Variants in ASPDH observed in about 807,000 individuals in gnomAD.
The protein encoded by ASPDH is aspartate dehydrogenase domain containing.
In ASPDH, 25 loss-of-function variants were observed where a neutral mutation model predicts 30.5. That is an observed-to-expected ratio of 0.82 (90% CI 0.60 to 1.14). The LOEUF is 1.14. ASPDH is among the 50% of genes most tolerant of loss of function. The pLI, the probability that ASPDH is intolerant of heterozygous loss-of-function variation, is 0.00. For synonymous variants in ASPDH, 168 were observed against 156.3 expected (o/e 1.07, Z -0.56); for missense variants, 401 against 381.5 (o/e 1.05, Z -0.43).
Position 50,511,672 on chromosome 19 carries a change from G to A in ASPDH, c.*58C>T. On this transcript the variant is annotated 3_prime_UTR_variant, in exon 7 of 7. Transcript: ENST00000389208. Reference sequence around the variant, plus strand: ...TGGGGAAGTGGGGCAGGGCAGGGGTGGGATGGTGGTGGTGAGAGGCCAGGC... The same window carrying A: ...TGGGGAAGTGGGGCAGGGCAGGGGTAGGATGGTGGTGGTGAGAGGCCAGGC... 1 of 1,118,732 alleles carries A rather than the reference G, an allele frequency of 8.9e-7. No individual in the cohort carries two copies. The highest frequency in any genetic ancestry group is 1.2e-6 in the Non-Finnish European group (1 of 853,436). The allele number at this position is 1,118,732 out of a possible 1,614,324, so 69.3% of individuals were successfully genotyped here.
At position 50,513,222 on chromosome 19, in the gene ASPDH, C is replaced by T. The variant is rs1055066303; in HGVS notation, c.197+50G>A. 1.4e-6 allele frequency: 2 copies of T among 1,431,450 alleles called. No individual in the cohort carries two copies. The highest frequency in any genetic ancestry group is 2.9e-5 in the African/African-American group (2 of 69,014). The allele number at this position is 1,431,450 out of a possible 1,614,324, so 88.7% of individuals were successfully genotyped here. ...GAGATCACACAGTGGCTAAGAGAGCCAGGACAGGAGCTTCAGGGAGCTCCA... is the reference window on the plus strand; with the variant it reads ...GAGATCACACAGTGGCTAAGAGAGCTAGGACAGGAGCTTCAGGGAGCTCCA... On this transcript the variant is annotated intron_variant, in intron 2 of 6. Coordinates refer to ENST00000389208, the MANE Select transcript of ASPDH (RefSeq NM_001114598.2). The surrounding 1 kb of genome is among the most constrained non-coding windows in gnomAD (Gnocchi z 4.9).
At position 50,512,339 on chromosome 19, in the gene ASPDH, AC is replaced by A; in HGVS notation, c.653+20del. On this transcript the variant is annotated intron_variant, in intron 5 of 6. Transcript: ENST00000389208. ...CTGGAGAGCCTGGACTCAGCCCAAC[AC>A]CCTGCTTAGCTCTGCTCACCTGGTA... is the stretch of plus-strand genomic sequence containing the variant. 6.2e-7 allele frequency: 1 copy of A among 1,613,722 alleles called. No homozygotes were observed. Among genetic ancestry groups the A allele is most frequent in the Non-Finnish European group, 8.5e-7 (1 of 1,179,884 alleles).
At chr19:50,514,681 C>CTGCG, upstream of ASPDH, 1 of 1,522,040 alleles carries the variant, frequency 6.6e-7, no homozygotes, top group Non-Finnish European at 8.8e-7. Context: ...ATGGCGCAGG[C>CTGCG]TGCGGCAGCG....
chr19:50,512,363 G>T lies in ASPDH; in HGVS notation c.650C>A (p.Thr217Asn), dbSNP rs754707386. Residue 217 changes from threonine (T) to asparagine (N), a missense_variant, in exon 5 of 7, where the codon ACC becomes AAC. By Grantham distance (65) the Thr-to-Asn change is moderately conservative (BLOSUM62 0). Transcript: ENST00000389208. ...CACCCTGCTTAGCTCTGCTCACCTG[G>T]TATCAGCCACGAGCACCCCAATCAC... is the stretch of plus-strand genomic sequence containing the variant. ...DGVIGVLVAD[T>N]SLTDMHVVDV... 2 of 1,613,800 alleles carry T rather than the reference G, an allele frequency of 1.2e-6. No individual in the cohort carries two copies. Among genetic ancestry groups the T allele is most frequent in the African/African-American group, 1.3e-5 (1 of 74,944 alleles).
Position 50,513,144 on chromosome 19 carries a change from G to T in ASPDH, c.197+128C>A, listed in dbSNP as rs968388360. 6.1e-5 allele frequency: 76 copies of T among 1,248,780 alleles called. No individual in the cohort carries two copies. Among genetic ancestry groups the T allele is most frequent in the Non-Finnish European group, 8.3e-5 (75 of 907,736 alleles). 77.4% of individuals were successfully genotyped at this position (1,248,780 alleles called of 1,614,324 possible). ...GAGGCGAAATGAGATGAATGGGTTC[G>T]TCCTGTTTCACATTTGCTTGAACCA... On this transcript the variant is annotated intron_variant, in intron 2 of 6. Coordinates refer to ENST00000389208, the MANE Select transcript of ASPDH (RefSeq NM_001114598.2). This position sits in a 1 kb window ranked among gnomAD's most constrained non-coding sequence, Gnocchi z 4.9.
chr19:50,511,825 G>A (rs535764210), intron 6 of ASPDH, 52 bp from the exon 7 acceptor site: 44 of 1,240,490 alleles, frequency 3.5e-5, no homozygotes, highest in Non-Finnish European at 3.8e-5. Context: ...TGAGGAGACA[G>A]ACGCCTGGGG....
In ASPDH at chr19:50,511,752, C is replaced by G. The variant is rs150431672; in HGVS notation, c.830G>C (p.Arg277Thr). 5 of 1,313,366 alleles carry G rather than the reference C, an allele frequency of 3.8e-6. No individual in the cohort carries two copies. Among genetic ancestry groups the G allele is most frequent in the South Asian group, 5.1e-5 (2 of 38,892 alleles). The allele number at this position is 1,313,366 out of a possible 1,614,324, so 81.4% of individuals were successfully genotyped here. The change falls in exon 7 of 7, where the codon AGG becomes ACG. Residue 277 changes from arginine (R) to threonine (T), a missense_variant. Transcript: ENST00000389208. Reference protein sequence around the residue: ...SLLACCQLPSRPGIHLC With the variant: ...SLLACCQLPSTPGIHLC ...TTCTCAGCAGAGATGGATCCCCGGCCTGGAGGGGAGCTGGCAGCAGGCTGC... is the reference window on the plus strand; with the variant it reads ...TTCTCAGCAGAGATGGATCCCCGGCGTGGAGGGGAGCTGGCAGCAGGCTGC...
At chr19:50,512,035 A>G (rs1979934664) in intron 6 of ASPDH, 101 bp downstream of exon 6, 1 of 1,085,814 alleles carries the variant, frequency 9.2e-7, no homozygotes, top group Non-Finnish European at 1.3e-6. Context: ...AGAAAGGTCA[A>G]CAAATACAGA....
rs1980090212 is a variant in ASPDH at position 50,513,528 on chromosome 19, A to C, written c.53-112T>G. ...AGAGAGAGGAGGTGGGGACAGACTCAGATTGCGGGGTAGGGAGACAGAGAT... is the reference window on the plus strand; with the variant it reads ...AGAGAGAGGAGGTGGGGACAGACTCCGATTGCGGGGTAGGGAGACAGAGAT... On this transcript the variant is annotated intron_variant, in intron 1 of 6. Coordinates refer to ENST00000389208, the MANE Select transcript of ASPDH (RefSeq NM_001114598.2). This position sits in a 1 kb window ranked among gnomAD's most constrained non-coding sequence, Gnocchi z 4.9. 6 of 1,161,824 alleles carry C rather than the reference A, an allele frequency of 5.2e-6. No homozygotes were observed. In the South Asian group the frequency reaches 1.0e-4, roughly 19 times the overall value. The allele number at this position is 1,161,824 out of a possible 1,614,324, so 72.0% of individuals were successfully genotyped here.
chr19:50,514,817 G>GGCGCTGGGGGGGGGGGGGGGGGC, upstream of ASPDH: 1 of 466,790 alleles, frequency 2.1e-6, no homozygotes, highest in Non-Finnish European at 3.3e-6. Context: ...GGGGGGGCGG[G>GGCGCTGGGGGGGGGGGGGGGGGC]CACTGGGTGG....
In ASPDH at chr19:50,513,434, A is replaced by G; in HGVS notation, c.53-18T>C. 1.4e-6 allele frequency: 2 copies of G among 1,464,760 alleles called. No homozygotes were observed. Among genetic ancestry groups the G allele is most frequent in the Non-Finnish European group, 9.0e-7 (1 of 1,106,138 alleles). The allele number at this position is 1,464,760 out of a possible 1,614,324, so 90.7% of individuals were successfully genotyped here. On this transcript the variant is annotated intron_variant, in intron 1 of 6. Coordinates refer to ENST00000389208, the MANE Select transcript of ASPDH (RefSeq NM_001114598.2). The surrounding 1 kb of genome is among the most constrained non-coding windows in gnomAD (Gnocchi z 4.9). ...GGACTGTCCTGGGGAGAGGGAAAGGAGAGGGCTAGAGATCCAGAGAGAGGG... is the reference window on the plus strand; with the variant it reads ...GGACTGTCCTGGGGAGAGGGAAAGGGGAGGGCTAGAGATCCAGAGAGAGGG...
chr19:50,513,948 C>G (rs1472106973), upstream of ASPDH: 3 of 1,252,696 alleles, frequency 2.4e-6, no homozygotes, highest in Non-Finnish European at 3.2e-6. The surrounding 1 kb of genome is among the most constrained non-coding windows in gnomAD (Gnocchi z 4.9). Flanking sequence ...CTTCCCCCTT[C>G]CCCGCAGGCC....
upstream of ASPDH, chr19:50,514,688 A>G: frequency 1.3e-6 from 2 of 1,504,198 alleles, no homozygotes; most frequent in South Asian, 1.3e-5. Flanking sequence ...AGGCTGCGGC[A>G]GCGCAGGCTC....
At chr19:50,514,828 C>A, upstream of ASPDH, 1 of 1,281,334 alleles carries the variant, frequency 7.8e-7, no homozygotes, top group East Asian at 3.6e-5. Flanking sequence ...CACTGGGTGG[C>A]GAGAGCCCCA....
At chr19:50,512,012 A>G in intron 6 of ASPDH, 124 bp downstream of exon 6, 1 of 874,520 alleles carries the variant, frequency 1.1e-6, no homozygotes, top group Non-Finnish European at 1.6e-6. Flanking sequence ...AAGGAAATAA[A>G]GGTCAGAAAG....
At chr19:50,514,996 G>C (rs765231454), upstream of ASPDH, 1,417 of 985,428 alleles carry the variant, frequency 1.4e-3, 1 homozygote, top group Non-Finnish European at 1.7e-3. Flanking sequence ...GGTGTAGACA[G>C]AGCCAGGAAG....
At position 50,513,456 on chromosome 19, in the gene ASPDH, A is replaced by T; in HGVS notation, c.53-40T>A. ...AGGAGAGGGCTAGAGATCCAGAGAG[A>T]GGGGGACAGAGACCCAGAGAGAGAG... On this transcript the variant is annotated intron_variant, in intron 1 of 6. Transcript: ENST00000389208. The surrounding 1 kb of genome is among the most constrained non-coding windows in gnomAD (Gnocchi z 4.9). 1 of 1,450,806 alleles carries T rather than the reference A, an allele frequency of 6.9e-7. No individual in the cohort carries two copies. The highest frequency in any genetic ancestry group is 9.1e-7 in the Non-Finnish European group (1 of 1,098,194). 89.9% of individuals were successfully genotyped at this position (1,450,806 alleles called of 1,614,324 possible). A position where few individuals can be genotyped will look rare whatever the true frequency, so the allele number is the denominator to read the frequency against.
upstream of ASPDH, chr19:50,514,339 C>G (rs1343677290): frequency 8.1e-7 from 1 of 1,238,320 alleles, no homozygotes; most frequent in Admixed American, 1.8e-5. Context: ...AGCGGGAGCC[C>G]TGGTTGTGGC....
At chr19:50,511,956 A>AGACTCAGGGGACGCGGACACACT in intron 6 of ASPDH, 180 bp downstream of exon 6, 1 of 713,922 alleles carries the variant, frequency 1.4e-6, no homozygotes. Flanking sequence ...GCGGGCACAA[A>AGACTCAGGGGACGCGGACACACT]TGGAGACATC....
Sources: allele counts gnomAD v4.1 joint callset, GRCh38; gene constraint gnomAD v4.1.1; non-coding constraint Gnocchi (gnomAD v3.1); transcripts MANE v1.5; gene names NCBI Gene and HGNC (gene_info 2026-07-23, HGNC 2026-07-21).